Variants in SNX29 observed in about 807,000 individuals in gnomAD.
The protein encoded by SNX29 is sorting nexin-29.
In SNX29, 78 loss-of-function variants were observed where a neutral mutation model predicts 102.1. That is an observed-to-expected ratio of 0.76 (90% CI 0.64 to 0.92). The LOEUF (loss-of-function observed/expected upper bound fraction) is 0.92, where lower values mean the gene tolerates loss of function less well. SNX29 is among the 40% of genes least tolerant of loss of function. The pLI is 0.00. For synonymous variants in SNX29, 580 were observed against 414.5 expected (o/e 1.40, Z -4.85); for missense variants, 1,280 against 1,061.7 (o/e 1.21, Z -2.86).
At chr16:12,262,723 T>C (rs1386677841) in intron 14 of SNX29, among the ~76,000 whole-genome samples, 3 of 152,264 alleles carry the variant, frequency 2.0e-5, no homozygotes, top group Non-Finnish European at 4.4e-5. Flanking sequence ...CTGCACTTTC[T>C]GTGCTCTGGA....
At chr16:11,990,880 C>G (rs1344419260) in intron 1 of SNX29, among the ~76,000 whole-genome samples, 2 of 152,210 alleles carry the variant, frequency 1.3e-5, no homozygotes, top group Non-Finnish European at 2.9e-5. Context: ...TTTAACCTGC[C>G]AGCCTTCATT....
intron 16 of SNX29, among the ~76,000 whole-genome samples, chr16:12,398,220 T>A (rs2083788331): frequency 6.6e-6 from 1 of 152,210 alleles, no homozygotes; most frequent in Non-Finnish European, 1.5e-5. Flanking sequence ...CCCTTGGCCA[T>A]AAAGATAATT....
intron 3 of SNX29, among the ~76,000 whole-genome samples, chr16:12,011,199 T>G (rs1029109805): frequency 6.6e-6 from 1 of 151,666 alleles, no homozygotes; most frequent in African/African-American, 2.4e-5. Context: ...GTTTTTTTTT[T>G]TTTTTTTTTG....
chr16:12,411,928 C>G (rs1345312321), intron 18 of SNX29, among the ~76,000 whole-genome samples: 1 of 152,156 alleles, frequency 6.6e-6, no homozygotes, highest in Admixed American at 6.5e-5. Flanking sequence ...AAGATTTTCC[C>G]CTTGTTGAAT....
intron 20 of SNX29, among the ~76,000 whole-genome samples, chr16:12,563,227 G>A (rs2078832208): frequency 6.6e-6 from 1 of 152,002 alleles, no homozygotes; most frequent in Admixed American, 6.6e-5. Flanking sequence ...TACCCTGAAA[G>A]TGGCCTCCCC....
chr16:12,544,263 C>G (rs192993616), intron 20 of SNX29, among the ~76,000 whole-genome samples: 3 of 152,224 alleles, frequency 2.0e-5, no homozygotes, highest in East Asian at 1.9e-4. Flanking sequence ...CAGATTGCAA[C>G]TCAGGACTTT....
intron 19 of SNX29, among the ~76,000 whole-genome samples, chr16:12,510,295 A>T (rs1031621183): frequency 6.6e-6 from 1 of 152,210 alleles, no homozygotes; most frequent in Non-Finnish European, 1.5e-5. Context: ...TGTGCTGAAG[A>T]TGGATACAGG....
Position 12,484,450 on chromosome 16 carries a change from T to C in SNX29, c.2178+6591T>C, listed in dbSNP as rs578024985. ...GAGTGAGATTTGTACAACATAAATC[T>C]GATTGTGTCAGCTGTAGATTAAGAC... On this transcript the variant is annotated intron_variant, in intron 19 of 20. Transcript: ENST00000566228. Among the ~76,000 whole-genome samples, 5 of 152,340 alleles carry C rather than the reference T, an allele frequency of 3.3e-5. No homozygotes were observed. The South Asian group carries it at 1.0e-3, about 32-fold the overall frequency.
chr16:12,299,224 C>T (rs917116521), intron 15 of SNX29, among the ~76,000 whole-genome samples: 2 of 151,946 alleles, frequency 1.3e-5, no homozygotes, highest in Non-Finnish European at 2.9e-5. Context: ...CGCTGGCACC[C>T]AGGAGACGGA....
intron 7 of SNX29, among the ~76,000 whole-genome samples, chr16:12,049,631 C>T (rs1294745267): frequency 6.6e-6 from 1 of 151,556 alleles, no homozygotes; most frequent in African/African-American, 2.4e-5. Flanking sequence ...CTGTGCCCAG[C>T]CTGTTTTTAA....
chr16:12,298,541 A>G (rs1465924326), intron 15 of SNX29, among the ~76,000 whole-genome samples: 2 of 152,160 alleles, frequency 1.3e-5, no homozygotes, highest in African/African-American at 2.4e-5. Context: ...CCTACCTCCT[A>G]GTGTTACTGT....
chr16:12,554,261 T>C (rs1255980610), intron 20 of SNX29, among the ~76,000 whole-genome samples: 1 of 152,246 alleles, frequency 6.6e-6, no homozygotes, highest in African/African-American at 2.4e-5. Flanking sequence ...CTCTGCCTTT[T>C]GGTGCATCTG....
intron 18 of SNX29, among the ~76,000 whole-genome samples, chr16:12,467,615 C>CGTTTGTTCGTTCGTTT (rs1567594027): frequency 2.1e-5 from 3 of 140,046 alleles, no homozygotes; most frequent in African/African-American, 8.5e-5. Flanking sequence ...TTCGTTTGTT[C>CGTTTGTTCGTTCGTTT]GTTCGTTAGT....
At chr16:12,133,334 A>G (rs908213429) in intron 13 of SNX29, among the ~76,000 whole-genome samples, 1 of 122,426 alleles carries the variant, frequency 8.2e-6, no homozygotes, top group Non-Finnish European at 1.6e-5. Context: ...TCTGTCACCC[A>G]GGCTGGAGTG....
At chr16:12,173,582 G>C (rs1223938400) in intron 13 of SNX29, among the ~76,000 whole-genome samples, 1 of 152,156 alleles carries the variant, frequency 6.6e-6, no homozygotes, top group Non-Finnish European at 1.5e-5. Context: ...CTGTCATGTA[G>C]CTTCCTCTAC....
intron 18 of SNX29, among the ~76,000 whole-genome samples, chr16:12,403,910 G>A (rs2084060601): frequency 1.3e-5 from 2 of 152,278 alleles, no homozygotes; most frequent in South Asian, 4.1e-4. Flanking sequence ...CTGCTGCTTG[G>A]TGACCCTCTC....
At chr16:12,257,549 T>TC (rs1405293985) in intron 14 of SNX29, among the ~76,000 whole-genome samples, 1 of 152,098 alleles carries the variant, frequency 6.6e-6, no homozygotes, top group Admixed American at 6.5e-5. Flanking sequence ...TGCTCTGCCA[T>TC]CCAGCCTGGA....
intron 18 of SNX29, among the ~76,000 whole-genome samples, chr16:12,419,069 A>C (rs10852348): frequency 6.6e-6 from 1 of 151,954 alleles, no homozygotes; most frequent in Non-Finnish European, 1.5e-5. Flanking sequence ...ACAACAGAGA[A>C]TATCCTATCC....
intron 14 of SNX29, among the ~76,000 whole-genome samples, chr16:12,212,393 G>T (rs978923096): frequency 4.0e-5 from 6 of 151,728 alleles, no homozygotes; most frequent in African/African-American, 1.5e-4. Context: ...GTCCTTGAAG[G>T]CTACTTCGTC....
Sources: allele counts gnomAD v4.1 joint callset (sites outside exome capture counted in the v4.1 genomes callset), GRCh38; gene constraint gnomAD v4.1.1; transcripts MANE v1.5; gene names NCBI Gene and HGNC (gene_info 2026-07-23, HGNC 2026-07-21).